Variants in CCDC3 observed in about 807,000 individuals in gnomAD.
The protein encoded by CCDC3 is coiled-coil domain-containing protein 3.
CCDC3 carries 24 observed loss-of-function variants against 21.4 expected under a neutral mutation model. The observed-to-expected ratio is 1.12, with a 90% CI of 0.81 to 1.58. The LOEUF is 1.58. CCDC3 is among the 40% of genes most tolerant of loss of function. CCDC3 has a pLI of 0.00. For missense variants in CCDC3, 425 were observed against 360.9 expected, an observed-to-expected ratio of 1.18 and a Z score of -1.44; for synonymous variants, 186 against 166.0, an observed-to-expected ratio of 1.12 and a Z score of -0.93.
At chr10:12,942,119 C>T (rs905671925) in intron 2 of CCDC3, among the ~76,000 whole-genome samples, 3 of 152,048 alleles carry the variant, frequency 2.0e-5, no homozygotes, top group African/African-American at 7.2e-5. Flanking sequence ...TACAGCTAGC[C>T]CTTTGACATG....
chr10:13,046,915 T>G (rs72777491), intron 5 of CCDC3, among the ~76,000 whole-genome samples: 5,612 of 151,654 alleles, frequency 0.037, 132 homozygotes, highest in South Asian at 0.073. Flanking sequence ...GCAAAAAGAT[T>G]TATTACTTAG....
At chr10:13,088,067 C>A (rs184994325) in intron 3 of CCDC3, among the ~76,000 whole-genome samples, 21 of 152,304 alleles carry the variant, frequency 1.4e-4, no homozygotes. Flanking sequence ...ACTTGGCATG[C>A]TTCAGCCTGC....
rs183950608 is a variant in CCDC3 at position 12,913,031 on chromosome 10, G to A, written c.550-14352C>T. On this transcript the variant is annotated intron_variant, in intron 2 of 2. Coordinates refer to ENST00000378825, the MANE Select transcript of CCDC3 (RefSeq NM_031455.4). Reference sequence around the variant, plus strand: ...GCTGTGTAGTATATTTTGAAATCAGGTAGTACAATGCTTCTTTTTTTCCCC... The same window carrying A: ...GCTGTGTAGTATATTTTGAAATCAGATAGTACAATGCTTCTTTTTTTCCCC... 1.8e-3 allele frequency among the ~76,000 whole-genome samples: 273 copies of A among 152,294 alleles called. 4 individuals are homozygous for A. The highest frequency in any genetic ancestry group is 6.4e-3 in the African/African-American group (265 of 41,556).
intron 2 of CCDC3, among the ~76,000 whole-genome samples, chr10:12,930,463 T>C (rs925189378): frequency 1.3e-5 from 2 of 152,206 alleles, no homozygotes; most frequent in African/African-American, 4.8e-5. Flanking sequence ...TGTTTCTCCA[T>C]GTTATTACTA....
At chr10:12,950,432 T>C (rs1157667315) in intron 2 of CCDC3, among the ~76,000 whole-genome samples, 1 of 152,116 alleles carries the variant, frequency 6.6e-6, no homozygotes, top group Non-Finnish European at 1.5e-5. Flanking sequence ...AATACAGGCA[T>C]CTGCTGGGAT....
At chr10:12,987,977 G>C (rs1012914830) in intron 2 of CCDC3, among the ~76,000 whole-genome samples, 2 of 151,868 alleles carry the variant, frequency 1.3e-5, no homozygotes, top group Admixed American at 1.3e-4. Flanking sequence ...TTGCCCCTCA[G>C]CAATCTGTGG....
chr10:12,910,963 C>A (rs1156960893), intron 2 of CCDC3, among the ~76,000 whole-genome samples: 2 of 152,178 alleles, frequency 1.3e-5, no homozygotes, highest in East Asian at 3.8e-4. Context: ...TTGCGGCCAG[C>A]CCCTGTGAAA....
rs144669682 is a variant in CCDC3, at chr10:12,911,407, C to T, written c.550-12728G>A. ...AATAACACATTCTAAAGCTAATATA[C>T]GCTAATGTTTTTTTGAAAATTATAA... On this transcript the variant is annotated intron_variant, in intron 2 of 2. Coordinates refer to ENST00000378825, the MANE Select transcript of CCDC3 (RefSeq NM_031455.4). Among the ~76,000 whole-genome samples the T allele has an allele frequency of 5.2e-3, 789 of 152,232 alleles. 10 individuals are homozygous for T. Among genetic ancestry groups the T allele is most frequent in the African/African-American group, 0.018 (746 of 41,544 alleles).
chr10:13,067,391 G>T (rs1268653041), intron 4 of CCDC3, among the ~76,000 whole-genome samples: 4 of 150,742 alleles, frequency 2.7e-5, no homozygotes, highest in Non-Finnish European at 4.4e-5. Flanking sequence ...TAAGTGAGAG[G>T]TTTTTTTTTT....
At chr10:13,084,719 C>G (rs1052943294) in intron 3 of CCDC3, among the ~76,000 whole-genome samples, 2 of 152,106 alleles carry the variant, frequency 1.3e-5, no homozygotes, top group African/African-American at 4.8e-5. Context: ...TTGTGAGATC[C>G]TGATTTTGAG....
intron 3 of CCDC3, among the ~76,000 whole-genome samples, chr10:13,089,925 G>A (rs1837161148): frequency 6.7e-6 from 1 of 149,968 alleles, no homozygotes; most frequent in Admixed American, 6.8e-5. Context: ...ACGATGTTTG[G>A]TTTTCCATGC....
intron 5 of CCDC3, among the ~76,000 whole-genome samples, chr10:13,033,307 G>C (rs563739621): frequency 7.6e-4 from 115 of 152,144 alleles, no homozygotes; most frequent in African/African-American, 2.7e-3. Flanking sequence ...GCTGAAACTG[G>C]ATCCCTTCCT....
intron 2 of CCDC3, among the ~76,000 whole-genome samples, chr10:12,931,727 A>G (rs928552487): frequency 3.3e-5 from 5 of 152,174 alleles, no homozygotes; most frequent in Non-Finnish European, 7.4e-5. Flanking sequence ...ATGTAGACTC[A>G]TTACTGTTTT....
chr10:12,926,851 T>C (rs368618379), intron 2 of CCDC3, among the ~76,000 whole-genome samples: 35 of 152,288 alleles, frequency 2.3e-4, no homozygotes, highest in African/African-American at 7.7e-4. Flanking sequence ...GGATATTTCA[T>C]TGGAGGTCAA....
chr10:12,988,080 T>G (rs1835625389), intron 2 of CCDC3, among the ~76,000 whole-genome samples: 1 of 151,962 alleles, frequency 6.6e-6, no homozygotes, highest in Non-Finnish European at 1.5e-5. Context: ...GATCTAATCT[T>G]CCCCCACATG....
chr10:13,076,224 T>C (rs1022784337), intron 3 of CCDC3, among the ~76,000 whole-genome samples: 1 of 152,178 alleles, frequency 6.6e-6, no homozygotes, highest in South Asian at 2.1e-4. Flanking sequence ...ATGGCTGGAA[T>C]TAAAACGAAA....
intron 4 of CCDC3, among the ~76,000 whole-genome samples, chr10:13,061,748 C>T (rs1301535150): frequency 6.6e-6 from 1 of 152,116 alleles, no homozygotes; most frequent in Non-Finnish European, 1.5e-5. Context: ...GACCTGGGAT[C>T]AATAGAAAGG....
chr10:12,900,074 G>A (rs1834069419), intron 2 of CCDC3, among the ~76,000 whole-genome samples: 1 of 152,118 alleles, frequency 6.6e-6, no homozygotes, highest in Non-Finnish European at 1.5e-5. Flanking sequence ...TCTATTGCCT[G>A]CCATCATGTC....
rs556686815 is a variant in CCDC3, at chr10:13,052,937, G to GTC, written c.-269-2998_-269-2997dup. Among the ~76,000 whole-genome samples, 9 of 108,618 alleles carry GTC rather than the reference G, an allele frequency of 8.3e-5. No homozygotes were observed. The South Asian group carries it at 2.2e-3, about 27-fold the overall frequency. 71.3% of individuals were successfully genotyped at this position (108,618 alleles called of 152,430 possible). ...AGCCTGGGCAGTAGATTGAGACTCT[G>GTC]TCACACACACACACACACACACACA... On this transcript the variant is annotated intron_variant, in intron 4 of 6. Transcript: ENST00000378839.
Sources: gnomAD v4.1 joint callset for allele counts (sites outside exome capture counted in the v4.1 genomes callset) on GRCh38, gnomAD v4.1.1 for gene constraint, MANE v1.5 for transcripts, NCBI Gene and HGNC (gene_info 2026-07-23, HGNC 2026-07-21) for gene names.